Variants in COL18A1 observed in about 807,000 individuals in gnomAD.
The protein encoded by COL18A1 is collagen type XVIII alpha 1 chain, also known as collagen alpha-1(XVIII) chain.
A neutral mutation model predicts 168.0 loss-of-function variants in COL18A1; 133 were observed. The ratio of observed to expected loss-of-function variants is 0.79; its 90% CI spans 0.69 to 0.91. The LOEUF is 0.91. Ranked by LOEUF, COL18A1 falls within the 40% of genes least tolerant of loss-of-function variation. COL18A1 has a pLI of 0.00. For synonymous variants in COL18A1, 949 were observed against 809.0 expected, an observed-to-expected ratio of 1.17 and a Z score of -2.94; for missense variants, 2,126 against 1,925.4, an observed-to-expected ratio of 1.10 and a Z score of -1.95.
intron 2 of COL18A1, among the ~76,000 whole-genome samples, chr21:45,450,925 T>A (rs138404125): frequency 1.3e-5 from 2 of 152,190 alleles, no homozygotes; most frequent in African/African-American, 2.4e-5. Context: ...GGACACACAC[T>A]CCATGGTGGG....
intron 2 of COL18A1, chr21:45,455,377 C>A (rs1269982222): frequency 5.4e-5 from 57 of 1,053,318 alleles, no homozygotes; most frequent in African/African-American, 4.7e-5. Flanking sequence ...AAGGCTGGTG[C>A]CTTCTTTCCT....
chr21:45,478,608 T>C (rs530315341), intron 9 of COL18A1, among the ~76,000 whole-genome samples: 1 of 149,764 alleles, frequency 6.7e-6, no homozygotes, highest in South Asian at 2.1e-4. Flanking sequence ...AGGCAGAGCT[T>C]CCAAACCCTT....
At chr21:45,421,219 C>T (rs1244478346) in intron 2 of COL18A1, 2 of 358,918 alleles carry the variant, frequency 5.6e-6, no homozygotes, top group Admixed American at 3.7e-5. Flanking sequence ...TTGCCGCCCC[C>T]ACCCCCATAG....
At chr21:45,446,729 A>G (rs1242935489) in intron 2 of COL18A1, among the ~76,000 whole-genome samples, 1 of 151,358 alleles carries the variant, frequency 6.6e-6, no homozygotes, top group Non-Finnish European at 1.5e-5. Flanking sequence ...AGTTTATCTT[A>G]CGAATTATGG....
chr21:45,449,895 G>T (rs8133495), intron 2 of COL18A1, among the ~76,000 whole-genome samples: 6,506 of 152,306 alleles, frequency 0.043, 180 homozygotes, highest in African/African-American at 0.075. Flanking sequence ...TGATAAAGCT[G>T]CCTTTATCAT....
At chr21:45,479,821 T>C (rs2035829977) in intron 9 of COL18A1, 81 bp from the exon 10 acceptor site, 32 of 1,589,422 alleles carry the variant, frequency 2.0e-5, no homozygotes, top group Admixed American at 3.4e-5. Context: ...CGTCCCCTGC[T>C]TGGGGGAGGA....
intron 2 of COL18A1, among the ~76,000 whole-genome samples, chr21:45,459,844 C>G (rs933729747): frequency 5.3e-5 from 8 of 152,064 alleles, no homozygotes; most frequent in Non-Finnish European, 1.0e-4. Flanking sequence ...CTCAGTGGGA[C>G]TCTGTGAGTG....
chr21:45,490,612 G>A (rs1218993378), intron 20 of COL18A1, among the ~76,000 whole-genome samples: 1 of 150,528 alleles, frequency 6.6e-6, no homozygotes, highest in African/African-American at 2.5e-5. Flanking sequence ...GGGTCCCTGG[G>A]CCTTCGTGTG....
chr21:45,477,643 C>G, intron 7 of COL18A1, 107 bp from the exon 8 acceptor site: 1 of 1,308,486 alleles, frequency 7.6e-7, no homozygotes. Context: ...TGCGTGTCCA[C>G]TGTGGGAAGC....
intron 2 of COL18A1, among the ~76,000 whole-genome samples, chr21:45,444,347 G>A (rs1030178128): frequency 5.3e-5 from 8 of 152,086 alleles, no homozygotes; most frequent in Non-Finnish European, 8.8e-5. Flanking sequence ...AGTGAGGTGC[G>A]TGCAGGGGTG....
intron 36 of COL18A1, among the ~76,000 whole-genome samples, 166 bp from the exon 37 acceptor site, chr21:45,505,672 G>A (rs914422493): frequency 3.3e-5 from 5 of 152,154 alleles, no homozygotes; most frequent in East Asian, 1.9e-4. Flanking sequence ...AGGAGCTGGC[G>A]GCAGGCAGGG....
chr21:45,508,362 GTGGATGGGTGGATGGATGGTGGGCAGA>G (rs2037363056), intron 38 of COL18A1, among the ~76,000 whole-genome samples: 1 of 150,536 alleles, frequency 6.6e-6, no homozygotes, highest in South Asian at 2.1e-4. Flanking sequence ...AAGTGGGTGA[GTGGATGGGTGGATGGATGGTGGGCAGA>G]TGGATGGTGG....
Position 45,463,120 on chromosome 21 carries a change from C to T in COL18A1, c.107-5122C>T, listed in dbSNP as rs75515214. ...AATGAGGGAGAAAAAACAGTGCCAG[C>T]CCTCTAAATCCCCTTCAAGTCACTT... is the stretch of plus-strand genomic sequence containing the variant. On this transcript the variant is annotated intron_variant, in intron 2 of 41. Coordinates refer to ENST00000651438, the MANE Select transcript of COL18A1 (RefSeq NM_001379500.1). The surrounding 1 kb of genome is among the most constrained non-coding windows in gnomAD (Gnocchi z 4.0). Among the ~76,000 whole-genome samples the T allele has an allele frequency of 1.7e-3, 257 of 152,322 alleles. No individual in the cohort carries two copies. The highest frequency in any genetic ancestry group is 5.7e-3 in the African/African-American group (237 of 41,554).
Position 45,498,447 on chromosome 21 carries a change from G to C in COL18A1, c.2683+786G>C, listed in dbSNP as rs953931733. On this transcript the variant is annotated intron_variant, in intron 32 of 41. Transcript: ENST00000651438. This position sits in a 1 kb window ranked among gnomAD's most constrained non-coding sequence, Gnocchi z 4.5. ...CGCCACGGTCCCCTCTCGCCGCCAGGGTCCCCTCTCGCCGCCACGGTCCCC... is the reference window on the plus strand; with the variant it reads ...CGCCACGGTCCCCTCTCGCCGCCAGCGTCCCCTCTCGCCGCCACGGTCCCC... 18 of 701,106 alleles carry C rather than the reference G, an allele frequency of 2.6e-5. No homozygotes were observed. The highest frequency in any genetic ancestry group is 4.8e-5 in the Non-Finnish European group (18 of 375,450). The allele number at this position is 701,106 out of a possible 1,614,324, so 43.4% of individuals were successfully genotyped here. A position where few individuals can be genotyped will look rare whatever the true frequency, so the allele number is the denominator to read the frequency against.
At chr21:45,412,450 C>T (rs879107291) in intron 2 of COL18A1, among the ~76,000 whole-genome samples, 2 of 151,950 alleles carry the variant, frequency 1.3e-5, no homozygotes, top group Non-Finnish European at 2.9e-5. Context: ...CCATGTTGGC[C>T]AGGCTGGTCT....
At chr21:45,447,725 G>A (rs2034534107) in intron 2 of COL18A1, among the ~76,000 whole-genome samples, 1 of 152,132 alleles carries the variant, frequency 6.6e-6, no homozygotes, top group Non-Finnish European at 1.5e-5. Flanking sequence ...CTTGGCTCTC[G>A]AACTTCTTAG....
intron 2 of COL18A1, chr21:45,421,458 C>A (rs747844339): frequency 1.9e-6 from 1 of 534,580 alleles, no homozygotes; most frequent in Admixed American, 1.9e-5. Context: ...ACAGCCCTGG[C>A]GTCTCAGGAG....
At chr21:45,479,039 C>T (rs535951453) in intron 9 of COL18A1, among the ~76,000 whole-genome samples, 4 of 152,006 alleles carry the variant, frequency 2.6e-5, no homozygotes, top group East Asian at 1.9e-4. Flanking sequence ...GGCTGGGGGG[C>T]GGCACGGGGC....
chr21:45,497,013 A>T, intron 30 of COL18A1, 37 bp from the exon 31 acceptor site: 1 of 1,540,400 alleles, frequency 6.5e-7, no homozygotes, highest in Non-Finnish European at 9.0e-7. Context: ...ATTTCAGAAC[A>T]TCGCCCTCAG....
Sources: gnomAD v4.1 joint callset for allele counts (sites outside exome capture counted in the v4.1 genomes callset) on GRCh38, gnomAD v4.1.1 for gene constraint, Gnocchi (gnomAD v3.1) non-coding constraint, MANE v1.5 for transcripts, NCBI Gene and HGNC (gene_info 2026-07-23, HGNC 2026-07-21) for gene names.